The following RERG variants were observed in gnomAD, a reference collection of about 807,000 sequenced individuals.
RERG encodes the protein RAS like estrogen regulated growth inhibitor.
Under a neutral mutation model 23.2 loss-of-function variants are expected in RERG, and 25 were observed. That is an observed-to-expected ratio of 1.08 (90% CI 0.79 to 1.50). RERG has a LOEUF of 1.50. RERG is among the 40% of genes most tolerant of loss of function. RERG has a pLI of 0.00. For missense variants in RERG, 253 were observed against 250.1 expected, an observed-to-expected ratio of 1.01 and a Z score of -0.08; for synonymous variants, 81 against 89.1, an observed-to-expected ratio of 0.91 and a Z score of 0.51.
chr12:15,146,655 G>A (rs954683779), intron 2 of RERG, among the ~76,000 whole-genome samples: 1 of 152,194 alleles, frequency 6.6e-6, no homozygotes, highest in African/African-American at 2.4e-5. Flanking sequence ...CTGTACTATA[G>A]TGTAAGGTGC....
At position 15,127,825 on chromosome 12, in the gene RERG, G is replaced by T. The variant is rs368960468; in HGVS notation, c.62-6706C>A. ...AAAAACACTACTGGGATTTCTTGAAGGTTAAATATCAAAAGGAAGCTTAAG... is the reference window on the plus strand; with the variant it reads ...AAAAACACTACTGGGATTTCTTGAATGTTAAATATCAAAAGGAAGCTTAAG... On this transcript the variant is annotated intron_variant, in intron 2 of 4. Transcript: ENST00000256953. 1.8e-3 allele frequency among the ~76,000 whole-genome samples: 272 copies of T among 152,234 alleles called. 10 individuals are homozygous for T. The South Asian group carries it at 0.055, about 31-fold the overall frequency.
chr12:15,110,553 G>A (rs1591630549), intron 4 of RERG, among the ~76,000 whole-genome samples: 3 of 133,132 alleles, frequency 2.3e-5, no homozygotes, highest in Non-Finnish European at 4.6e-5. Context: ...ATCTTGGCTC[G>A]CTGCAAGCTC....
intron 2 of RERG, among the ~76,000 whole-genome samples, chr12:15,198,866 G>A (rs11056397): frequency 0.12 from 17,879 of 152,130 alleles, 1,084 homozygotes; most frequent in South Asian, 0.17. Context: ...AAGGTTCTTC[G>A]CCTTTAGCGA....
chr12:15,211,691 A>C (rs1365966185), intron 2 of RERG, among the ~76,000 whole-genome samples: 2 of 152,208 alleles, frequency 1.3e-5, no homozygotes, highest in Non-Finnish European at 2.9e-5. Context: ...AAATATTCTA[A>C]CTACAAAGAA....
chr12:15,175,718 T>G (rs1043909143), intron 2 of RERG, among the ~76,000 whole-genome samples: 1 of 152,148 alleles, frequency 6.6e-6, no homozygotes, highest in African/African-American at 2.4e-5. Context: ...CTTTAACATA[T>G]GTTGTGAATC....
At position 15,121,058 on chromosome 12, in the gene RERG, C is replaced by T; in HGVS notation, c.118+5G>A. 1 of 1,607,874 alleles carries T rather than the reference C, an allele frequency of 6.2e-7. No individual in the cohort carries two copies. The highest frequency in any genetic ancestry group is 2.2e-5 in the East Asian group (1 of 44,830). ...AAGAGGAGAAGGAAACAAAATTTGA[C>T]CTACCGAGGGTGGGATCATATTCCC... On this transcript the variant is annotated splice_donor_5th_base_variant and intron_variant, in intron 3 of 4. Transcript: ENST00000256953.
At chr12:15,140,781 C>T (rs1037865935) in intron 2 of RERG, among the ~76,000 whole-genome samples, 5 of 152,006 alleles carry the variant, frequency 3.3e-5, no homozygotes, top group Admixed American at 2.0e-4. Context: ...CTTATACTTG[C>T]TTCTCTATAA....
intron 2 of RERG, among the ~76,000 whole-genome samples, chr12:15,174,720 T>C (rs1234998277): frequency 6.6e-6 from 1 of 152,100 alleles, no homozygotes; most frequent in Admixed American, 6.6e-5. Context: ...TTTTTTTTCT[T>C]CTGTCAGCTA....
chr12:15,161,640 T>C (rs1175205133), intron 2 of RERG, among the ~76,000 whole-genome samples: 1 of 152,220 alleles, frequency 6.6e-6, no homozygotes, highest in African/African-American at 2.4e-5. Context: ...ATCAAGCACC[T>C]ATTTTGAATC....
At chr12:15,123,289 T>C (rs1280307514) in intron 2 of RERG, among the ~76,000 whole-genome samples, 1 of 152,056 alleles carries the variant, frequency 6.6e-6, no homozygotes, top group Non-Finnish European at 1.5e-5. Flanking sequence ...AAACCAAGTA[T>C]ACTGAACATA....
At chr12:15,198,531 A>G (rs1245288002) in intron 2 of RERG, among the ~76,000 whole-genome samples, 2 of 152,166 alleles carry the variant, frequency 1.3e-5, no homozygotes, top group African/African-American at 4.8e-5. Flanking sequence ...TAATTTCAGT[A>G]TACATATGAA....
intron 2 of RERG, among the ~76,000 whole-genome samples, chr12:15,185,357 G>T (rs967181583): frequency 3.7e-4 from 56 of 152,170 alleles, no homozygotes; most frequent in African/African-American, 1.3e-3. Context: ...CCCCAAAACT[G>T]AGAATCAATG....
At chr12:15,114,518 A>G (rs886384264) in intron 3 of RERG, 77 of 152,324 alleles carry the variant, frequency 5.1e-4, no homozygotes, top group African/African-American at 1.8e-3. Flanking sequence ...AGAGAAGCTT[A>G]TAAGATGATT....
intron 2 of RERG, among the ~76,000 whole-genome samples, chr12:15,135,257 GACCT>G (rs1864124592): frequency 6.6e-6 from 1 of 152,140 alleles, no homozygotes; most frequent in Non-Finnish European, 1.5e-5. Context: ...GAAAGTGATT[GACCT>G]GTATCCTGTA....
chr12:15,187,592 G>A (rs917057446), intron 2 of RERG, among the ~76,000 whole-genome samples: 5 of 148,146 alleles, frequency 3.4e-5, no homozygotes, highest in African/African-American at 1.2e-4. Context: ...GAGTTTTGCT[G>A]TTGTCACCCA....
intron 2 of RERG, among the ~76,000 whole-genome samples, chr12:15,180,794 G>A (rs1864913372): frequency 3.9e-5 from 6 of 152,124 alleles, no homozygotes; most frequent in Admixed American, 3.9e-4. Flanking sequence ...GACTCCATGG[G>A]TTTGTATCTC....
chr12:15,121,001 T>C, intron 3 of RERG, 62 bp downstream of exon 3: 1 of 1,196,434 alleles, frequency 8.4e-7, no homozygotes, highest in East Asian at 2.4e-5. Flanking sequence ...CAGAAAACAT[T>C]ATTCTTTCTT....
chr12:15,217,820 C>T (rs190608437), intron 1 of RERG: 17 of 228,300 alleles, frequency 7.4e-5, no homozygotes, highest in East Asian at 7.1e-4. Context: ...GGTACTAAAA[C>T]GTGCATTATC....
At chr12:15,119,848 G>C (rs1238695608) in intron 3 of RERG, among the ~76,000 whole-genome samples, 1 of 152,184 alleles carries the variant, frequency 6.6e-6, no homozygotes, top group Non-Finnish European at 1.5e-5. Context: ...TTATTACAGA[G>C]TTTCTAAACT....
Sources: allele counts gnomAD v4.1 joint callset (sites outside exome capture counted in the v4.1 genomes callset), GRCh38; gene constraint gnomAD v4.1.1; transcripts MANE v1.5; gene names NCBI Gene and HGNC (gene_info 2026-07-23, HGNC 2026-07-21).